HS1BP3: variants seen among roughly 807,000 people sequenced by gnomAD.
HS1BP3 encodes the protein HCLS1-binding protein 3.
A neutral mutation model predicts 33.5 loss-of-function variants in HS1BP3; 32 were observed. That is an observed-to-expected ratio of 0.95 (90% CI 0.72 to 1.28). HS1BP3 has a LOEUF of 1.28. Among genes scored for constraint, HS1BP3 ranks in the 50% most tolerant of loss-of-function variants. The pLI is 0.00. For missense variants in HS1BP3, 486 were observed against 502.3 expected (o/e 0.97, Z 0.31); for synonymous variants, 187 against 209.2 (o/e 0.89, Z 0.92).
rs193234739 is a variant in HS1BP3, at chr2:20,581,262, G to A, written c.303-20747C>T. 3.3e-3 allele frequency among the ~76,000 whole-genome samples: 505 copies of A among 152,296 alleles called. 3 individuals carry two copies. Among genetic ancestry groups the A allele is most frequent in the African/African-American group, 0.011 (474 of 41,566 alleles). ...AAGCCTTCCATTTATCTCACTGTCT[G>A]TATTAGTGTTCTATTTAGTGTTCTA... is the stretch of plus-strand genomic sequence containing the variant. On this transcript the variant is annotated intron_variant, in intron 5 of 5. Transcript: ENST00000446825.
At chr2:20,559,259 T>G (rs1278430809), downstream of HS1BP3, among the ~76,000 whole-genome samples, 1 of 152,190 alleles carries the variant, frequency 6.6e-6, no homozygotes, top group African/African-American at 2.4e-5. Flanking sequence ...CCAGGCAGGT[T>G]GGAATTGCAA....
intron 2 of HS1BP3, among the ~76,000 whole-genome samples, chr2:20,641,614 T>C (rs1051982791): frequency 6.6e-6 from 1 of 152,182 alleles, no homozygotes; most frequent in Non-Finnish European, 1.5e-5. Flanking sequence ...CGTGAACCAG[T>C]GTGGCCTTCG....
At chr2:20,650,329 A>G (rs1185232745) in intron 1 of HS1BP3, among the ~76,000 whole-genome samples, 1 of 152,230 alleles carries the variant, frequency 6.6e-6, no homozygotes, top group Non-Finnish European at 1.5e-5. Context: ...GGAAAGAAGT[A>G]AAAGCACGTG....
At chr2:20,577,190 A>T (rs1252498923) in intron 5 of HS1BP3, among the ~76,000 whole-genome samples, 2 of 152,110 alleles carry the variant, frequency 1.3e-5, no homozygotes, top group African/African-American at 4.8e-5. Flanking sequence ...TGGGGGCATG[A>T]CACACTGATA....
At chr2:20,619,636 C>G (rs1053815677) in intron 6 of HS1BP3, among the ~76,000 whole-genome samples, 3 of 152,346 alleles carry the variant, frequency 2.0e-5, no homozygotes, top group Non-Finnish European at 4.4e-5. Context: ...ACTTCAGACA[C>G]GTTATCATAT....
At position 20,641,138 on chromosome 2, in the gene HS1BP3, GTTTC is replaced by G. The variant is rs1407260433; in HGVS notation, c.237_240del (p.Gln79HisfsTer2). 6.2e-7 allele frequency: 1 copy of G among 1,611,300 alleles called. No individual in the cohort carries two copies. Among genetic ancestry groups the G allele is most frequent in the Non-Finnish European group, 8.5e-7 (1 of 1,179,996 alleles). Reference sequence around the variant, plus strand: ...CTGGCTGCTGCATAACGACTGCTCAGTTTCTGGTAAAACTCCTCAATCTCGCTGT... The same window carrying G: ...CTGGCTGCTGCATAACGACTGCTCAGTGGTAAAACTCCTCAATCTCGCTGT... On this transcript the variant is annotated frameshift_variant, in exon 3 of 7. Coordinates refer to ENST00000304031, the MANE Select transcript of HS1BP3 (RefSeq NM_022460.4). LOFTEE classifies it high-confidence loss of function.
At chr2:20,635,689 G>C (rs1253857718) in intron 4 of HS1BP3, 1 of 152,172 alleles carries the variant, frequency 6.6e-6, no homozygotes, top group Non-Finnish European at 1.5e-5. Context: ...CCATAGGGTG[G>C]AAAAGCAGAG....
In HS1BP3 at chr2:20,637,402, C is replaced by A. The variant is rs530971869; in HGVS notation, c.623+1034G>T. The A allele has an allele frequency of 5.9e-5, 9 of 152,398 alleles. No homozygotes were observed. In the East Asian group the frequency reaches 1.7e-3, roughly 29 times the overall value. 9.4% of individuals were successfully genotyped at this position (152,398 alleles called of 1,614,324 possible). Reference sequence around the variant, plus strand: ...TACTCTGGCTGCCTCTCCCTCAGGGCCGCTGACCCCACTCAGGGACAAGGC... The same window carrying A: ...TACTCTGGCTGCCTCTCCCTCAGGGACGCTGACCCCACTCAGGGACAAGGC... On this transcript the variant is annotated intron_variant, in intron 4 of 6. Coordinates refer to ENST00000304031, the MANE Select transcript of HS1BP3 (RefSeq NM_022460.4).
At chr2:20,591,677 T>C (rs1693819619), downstream of HS1BP3, among the ~76,000 whole-genome samples, 2 of 152,192 alleles carry the variant, frequency 1.3e-5, no homozygotes, top group African/African-American at 2.4e-5. Flanking sequence ...GTTCAAGTGA[T>C]TCTCATGCCT....
chr2:20,570,662 G>A (rs564143717), intron 5 of HS1BP3, among the ~76,000 whole-genome samples: 9 of 152,330 alleles, frequency 5.9e-5, no homozygotes, highest in African/African-American at 1.9e-4. Flanking sequence ...CAGAGCAAGA[G>A]GTGGTTCCCA....
chr2:20,643,541 T>A (rs1233697057), intron 2 of HS1BP3, among the ~76,000 whole-genome samples: 1 of 152,206 alleles, frequency 6.6e-6, no homozygotes, highest in East Asian at 1.9e-4. Flanking sequence ...CACACGTTGC[T>A]TCTCACCAAG....
intron 3 of HS1BP3, among the ~76,000 whole-genome samples, chr2:20,594,690 A>G (rs911289332): frequency 8.5e-5 from 13 of 152,198 alleles, no homozygotes; most frequent in African/African-American, 3.1e-4. Flanking sequence ...GGCTGCTACA[A>G]CAAAATACCG....
downstream of HS1BP3, among the ~76,000 whole-genome samples, chr2:20,589,617 G>A (rs972370279): frequency 6.6e-6 from 1 of 152,192 alleles, no homozygotes; most frequent in Non-Finnish European, 1.5e-5. Flanking sequence ...GCTCTAAGGT[G>A]TTTTGCAGAT....
chr2:20,598,769 GGGA>G (rs1694005368), intron 2 of HS1BP3, among the ~76,000 whole-genome samples: 1 of 151,610 alleles, frequency 6.6e-6, no homozygotes, highest in Admixed American at 6.6e-5. Flanking sequence ...TGTTTTAGCC[GGGA>G]TGGTCTCGAT....
chr2:20,573,336 T>C (rs1693319957), intron 5 of HS1BP3, among the ~76,000 whole-genome samples: 1 of 152,046 alleles, frequency 6.6e-6, no homozygotes, highest in Non-Finnish European at 1.5e-5. Context: ...TGTGAGAGAA[T>C]AAATTTCTGT....
At chr2:20,620,649 C>A (rs571403497) in intron 6 of HS1BP3, among the ~76,000 whole-genome samples, 1 of 152,348 alleles carries the variant, frequency 6.6e-6, no homozygotes, top group East Asian at 1.9e-4. Context: ...AGCCTCAGGC[C>A]ACTCCTCCTC....
intron 4 of HS1BP3, chr2:20,635,312 T>C (rs1259239311): frequency 6.6e-6 from 1 of 152,140 alleles, no homozygotes; most frequent in African/African-American, 2.4e-5. Flanking sequence ...TTACAGCCCA[T>C]CGAGCTGAGA....
chr2:20,634,413 A>G (rs946867176), intron 4 of HS1BP3, among the ~76,000 whole-genome samples: 3 of 152,212 alleles, frequency 2.0e-5, no homozygotes, highest in Non-Finnish European at 1.5e-5. Context: ...CAGAATCCCT[A>G]GGTGGTCTCT....
intron 2 of HS1BP3, among the ~76,000 whole-genome samples, chr2:20,608,477 A>G (rs10199740): frequency 1 from 151,588 of 151,690 alleles, 75,743 homozygotes; most frequent in Non-Finnish European, 1. Context: ...GGGAGACTGA[A>G]GCAGGAGAAT....
Sources: allele counts gnomAD v4.1 joint callset (sites outside exome capture counted in the v4.1 genomes callset), GRCh38; gene constraint gnomAD v4.1.1; transcripts MANE v1.5; gene names NCBI Gene and HGNC (gene_info 2026-07-23, HGNC 2026-07-21).